RNF130: variants seen among roughly 807,000 people sequenced by gnomAD.
RNF130 encodes E3 ubiquitin-protein ligase RNF130.
Under a neutral mutation model 44.6 loss-of-function variants are expected in RNF130, and 21 were observed. That is an observed-to-expected ratio of 0.47 (90% confidence interval 0.33 to 0.68). The LOEUF is 0.68. RNF130 is among the 30% of genes least tolerant of loss of function. RNF130 has a pLI of 0.02. For synonymous variants in RNF130, 214 were observed against 210.4 expected (o/e 1.02, Z -0.15); for missense variants, 479 against 560.6 (o/e 0.85, Z 1.47).
chr5:180,037,219 G>T (rs946868444), intron 2 of RNF130, among the ~76,000 whole-genome samples: 1 of 152,158 alleles, frequency 6.6e-6, no homozygotes, highest in Admixed American at 6.6e-5. Context: ...ACTCTCCTAC[G>T]TGTCGTCCAT....
intron 3 of RNF130, among the ~76,000 whole-genome samples, chr5:180,012,171 G>A (rs1473546709): frequency 6.6e-6 from 1 of 152,172 alleles, no homozygotes; most frequent in Non-Finnish European, 1.5e-5. Context: ...GATGTGAGCT[G>A]AGACCTGTTC....
chr5:179,940,595 A>G (rs1206765539), intron 7 of RNF130, among the ~76,000 whole-genome samples: 2 of 152,164 alleles, frequency 1.3e-5, no homozygotes, highest in Non-Finnish European at 2.9e-5. Context: ...CTCAATTTTA[A>G]AAACTTTAAA....
chr5:180,013,629 C>A (rs993010754), intron 2 of RNF130, among the ~76,000 whole-genome samples: 8 of 152,134 alleles, frequency 5.3e-5, no homozygotes, highest in East Asian at 1.9e-4. Context: ...CAACAGACAG[C>A]AACATAACAT....
chr5:180,017,644 C>T (rs1311744105), intron 2 of RNF130, among the ~76,000 whole-genome samples: 1 of 152,056 alleles, frequency 6.6e-6, no homozygotes, highest in Non-Finnish European at 1.5e-5. Context: ...AACAGAAATG[C>T]TGGGTGGGCA....
At chr5:179,974,436 C>T (rs1320999880) in intron 5 of RNF130, among the ~76,000 whole-genome samples, 30 of 152,220 alleles carry the variant, frequency 2.0e-4, no homozygotes, top group African/African-American at 2.4e-5. Flanking sequence ...ATCACTGAGC[C>T]GAGGAGGAGG....
chr5:180,035,745 A>C (rs142538573), intron 2 of RNF130, among the ~76,000 whole-genome samples: 28 of 152,142 alleles, frequency 1.8e-4, no homozygotes, highest in Admixed American at 6.5e-4. Context: ...TTTTCCTTCA[A>C]TTGATTCTTC....
At chr5:179,951,533 G>A (rs374335273), downstream of RNF130, among the ~76,000 whole-genome samples, 20 of 152,004 alleles carry the variant, frequency 1.3e-4, no homozygotes, top group Non-Finnish European at 2.8e-4. Context: ...ACAGGCGCCC[G>A]CCACCACGCC....
At chr5:179,931,030 C>T in intron 7 of RNF130, among the ~76,000 whole-genome samples, 1 of 81,474 alleles carries the variant, frequency 1.2e-5, no homozygotes, top group Non-Finnish European at 2.2e-5. Flanking sequence ...AAACCTCTGT[C>T]TCAAAAAAAA....
intron 1 of RNF130, among the ~76,000 whole-genome samples, chr5:180,058,115 G>A (rs905052486): frequency 6.6e-5 from 10 of 152,088 alleles, no homozygotes; most frequent in Non-Finnish European, 1.5e-4. Flanking sequence ...TATAAACTAC[G>A]GTGTCAAAGC....
At position 179,991,740 on chromosome 5, in the gene RNF130, T is replaced by G. The variant is rs569223021; in HGVS notation, c.694-11540A>C. Among the ~76,000 whole-genome samples the G allele has an allele frequency of 9.2e-5, 14 of 152,262 alleles. No homozygotes were observed. In the South Asian group the frequency reaches 2.7e-3, roughly 29 times the overall value. ...TGATTCAAGCACATTACATTTATTG[T>G]GCCCTTTATTTCTATTATTATTAAA... On this transcript the variant is annotated intron_variant, in intron 3 of 8. Transcript: ENST00000521389.
At chr5:179,944,611 A>G (rs1378661908) in intron 7 of RNF130, among the ~76,000 whole-genome samples, 2 of 151,924 alleles carry the variant, frequency 1.3e-5, no homozygotes, top group Non-Finnish European at 2.9e-5. Flanking sequence ...ATGCCTGGCT[A>G]AATTTTTTTT....
At chr5:180,056,330 G>A (rs1582226477) in intron 1 of RNF130, among the ~76,000 whole-genome samples, 2 of 152,076 alleles carry the variant, frequency 1.3e-5, no homozygotes, top group South Asian at 4.1e-4. Context: ...ATGTGGATGT[G>A]CAACAGAGAA....
chr5:179,926,994 C>T (rs552188882), intron 7 of RNF130, among the ~76,000 whole-genome samples: 4 of 152,264 alleles, frequency 2.6e-5, no homozygotes, highest in East Asian at 1.9e-4. Flanking sequence ...CTGTTGGTCA[C>T]GGAAGTCTTC....
At chr5:179,985,977 T>C (rs996173402) in intron 3 of RNF130, among the ~76,000 whole-genome samples, 6 of 152,246 alleles carry the variant, frequency 3.9e-5, no homozygotes. Flanking sequence ...TGTTATCTTG[T>C]CATTTTTAAA....
chr5:180,025,249 G>C (rs943720156), intron 2 of RNF130, among the ~76,000 whole-genome samples: 1 of 152,206 alleles, frequency 6.6e-6, no homozygotes, highest in Non-Finnish European at 1.5e-5. Flanking sequence ...TATCAGTTAA[G>C]AACATCCTCC....
At chr5:179,995,749 A>AT (rs748308602) in intron 3 of RNF130, among the ~76,000 whole-genome samples, 7 of 152,154 alleles carry the variant, frequency 4.6e-5, no homozygotes, top group Non-Finnish European at 8.8e-5. Flanking sequence ...CTGACTCCCC[A>AT]TCTCCTGTAT....
intron 7 of RNF130, among the ~76,000 whole-genome samples, chr5:179,929,876 T>A (rs1181713028): frequency 2.0e-5 from 3 of 152,196 alleles, no homozygotes; most frequent in Non-Finnish European, 4.4e-5. Flanking sequence ...CTCCATAGTA[T>A]CGTGTCACTC....
At chr5:180,036,331 G>A (rs2113132135) in intron 2 of RNF130, among the ~76,000 whole-genome samples, 1 of 152,178 alleles carries the variant, frequency 6.6e-6, no homozygotes, top group African/African-American at 2.4e-5. Flanking sequence ...TGGTTTCCTA[G>A]GAACTGCCCA....
rs114797204 is a variant in RNF130 at position 180,020,255 on chromosome 5, G to A, written c.443-6944C>T. 9.0e-3 allele frequency among the ~76,000 whole-genome samples: 1,367 copies of A among 152,342 alleles called. 11 individuals carry two copies. Among genetic ancestry groups the A allele is most frequent in the Middle Eastern group, 0.02 (6 of 294 alleles). ...GTTCACTTTCCAGGTGGATTCTCAAGTTGCCCAGGATGGTGGCAGGACCGC... is the reference window on the plus strand; with the variant it reads ...GTTCACTTTCCAGGTGGATTCTCAAATTGCCCAGGATGGTGGCAGGACCGC... On this transcript the variant is annotated intron_variant, in intron 2 of 8. Coordinates refer to ENST00000521389, the MANE Select transcript of RNF130 (RefSeq NM_018434.6).
Sources: gnomAD v4.1 joint callset for allele counts (sites outside exome capture counted in the v4.1 genomes callset) on GRCh38, gnomAD v4.1.1 for gene constraint, MANE v1.5 for transcripts, NCBI Gene and HGNC (gene_info 2026-07-23, HGNC 2026-07-21) for gene names.